The following CAMK1D variants were observed in gnomAD, a reference collection of about 807,000 sequenced individuals.
The protein encoded by CAMK1D is calcium/calmodulin dependent protein kinase ID.
In CAMK1D, 9 loss-of-function variants were observed where a neutral mutation model predicts 47.7. The ratio of observed to expected loss-of-function variants is 0.19; its 90% CI spans 0.11 to 0.33. CAMK1D has a LOEUF of 0.33. CAMK1D is among the 10% of genes least tolerant of loss of function. The pLI, the probability that CAMK1D is intolerant of heterozygous loss-of-function variation, is 1.00. For missense variants in CAMK1D, 291 were observed against 488.7 expected (o/e 0.60, Z 3.81); for synonymous variants, 184 against 184.9 (o/e 0.99, Z 0.04).
At chr10:12,785,516 G>A (rs545219596) in intron 5 of CAMK1D, among the ~76,000 whole-genome samples, 1 of 152,108 alleles carries the variant, frequency 6.6e-6, no homozygotes, top group Non-Finnish European at 1.5e-5. Context: ...AAGCTCTCGG[G>A]TATCTCCAGG....
intron 1 of CAMK1D, among the ~76,000 whole-genome samples, chr10:12,483,972 C>T (rs1011360098): frequency 6.6e-6 from 1 of 152,202 alleles, no homozygotes; most frequent in Non-Finnish European, 1.5e-5. Flanking sequence ...GCATGAGCCA[C>T]TGTGCTTGGC....
At chr10:12,813,182 G>A (rs1222980014) in intron 6 of CAMK1D, among the ~76,000 whole-genome samples, 3 of 152,152 alleles carry the variant, frequency 2.0e-5, no homozygotes, top group Non-Finnish European at 4.4e-5. Context: ...TGGAAAAATG[G>A]GTAGTATTAT....
chr10:12,473,181 G>A (rs1833800144), intron 1 of CAMK1D, among the ~76,000 whole-genome samples: 1 of 152,168 alleles, frequency 6.6e-6, no homozygotes, highest in Non-Finnish European at 1.5e-5. Context: ...TGGGGCACAG[G>A]CCAGCAGCGA....
At chr10:12,738,496 A>G (rs1476972116) in intron 3 of CAMK1D, among the ~76,000 whole-genome samples, 8 of 152,202 alleles carry the variant, frequency 5.3e-5, no homozygotes, top group Non-Finnish European at 4.4e-5. Context: ...GTTCATTTTT[A>G]TTTATAATAA....
chr10:12,736,523 C>T (rs1363350964), intron 3 of CAMK1D, among the ~76,000 whole-genome samples: 1 of 152,138 alleles, frequency 6.6e-6, no homozygotes, highest in Non-Finnish European at 1.5e-5. Flanking sequence ...AGTTTTCTGG[C>T]ACTTCTTAAA....
intron 1 of CAMK1D, among the ~76,000 whole-genome samples, chr10:12,469,008 G>A (rs1295296453): frequency 2.0e-5 from 3 of 152,150 alleles, no homozygotes; most frequent in Non-Finnish European, 2.9e-5. Flanking sequence ...GCCCGGGCAA[G>A]GTGGGGGATT....
chr10:12,435,320 C>T (rs549670521), intron 1 of CAMK1D, among the ~76,000 whole-genome samples: 2 of 152,062 alleles, frequency 1.3e-5, no homozygotes, highest in East Asian at 3.9e-4. Flanking sequence ...ATGGATCCGC[C>T]CTAGGTTTCC....
chr10:12,722,382 C>A (rs1834426332), intron 3 of CAMK1D, among the ~76,000 whole-genome samples: 1 of 121,858 alleles, frequency 8.2e-6, no homozygotes, highest in South Asian at 2.8e-4. Context: ...GGAGGCAGAG[C>A]TTGCAATGAG....
chr10:12,801,266 C>T (rs1316771383), intron 6 of CAMK1D, among the ~76,000 whole-genome samples: 4 of 147,668 alleles, frequency 2.7e-5, no homozygotes, highest in African/African-American at 7.5e-5. Flanking sequence ...TCCATCTGTC[C>T]GTCCATCCAT....
intron 3 of CAMK1D, among the ~76,000 whole-genome samples, chr10:12,724,371 G>C (rs974481034): frequency 3.9e-5 from 6 of 152,212 alleles, no homozygotes; most frequent in Admixed American, 2.6e-4. Flanking sequence ...GACTCTGGGG[G>C]CCAGGGTTTG....
intron 1 of CAMK1D, among the ~76,000 whole-genome samples, chr10:12,365,976 A>G (rs892102186): frequency 4.6e-5 from 7 of 152,226 alleles, no homozygotes; most frequent in Non-Finnish European, 7.3e-5. Context: ...GAATCCCTGG[A>G]ACCTGGGAGC....
At chr10:12,661,992 T>C (rs1046934691) in intron 2 of CAMK1D, among the ~76,000 whole-genome samples, 3 of 152,162 alleles carry the variant, frequency 2.0e-5, no homozygotes, top group African/African-American at 7.2e-5. Flanking sequence ...TGTCTCCTTA[T>C]GGATGGGATG....
intron 1 of CAMK1D, among the ~76,000 whole-genome samples, chr10:12,553,002 C>T (rs1836635852): frequency 6.6e-6 from 1 of 152,188 alleles, no homozygotes; most frequent in South Asian, 2.1e-4. Context: ...CTTGGCCTCC[C>T]AAAGTGTCGG....
At chr10:12,550,174 C>T (rs1443633526) in intron 1 of CAMK1D, among the ~76,000 whole-genome samples, 2 of 152,162 alleles carry the variant, frequency 1.3e-5, no homozygotes, top group Admixed American at 1.3e-4. Flanking sequence ...GGAAGATGGA[C>T]TTAGTAAATC....
chr10:12,828,382 C>A (rs191079803), intron 10 of CAMK1D, among the ~76,000 whole-genome samples: 1 of 152,196 alleles, frequency 6.6e-6, no homozygotes, highest in African/African-American at 2.4e-5. Context: ...GGCTCACACC[C>A]GTAATCCCAG....
chr10:12,797,235 G>A (rs1838236586), intron 6 of CAMK1D, among the ~76,000 whole-genome samples: 1 of 129,304 alleles, frequency 7.7e-6, no homozygotes, highest in Admixed American at 8.8e-5. Context: ...GTCTTGCTTT[G>A]TCACCCAGGC....
At chr10:12,475,843 A>T (rs931242807) in intron 1 of CAMK1D, among the ~76,000 whole-genome samples, 1 of 152,048 alleles carries the variant, frequency 6.6e-6, no homozygotes, top group East Asian at 1.9e-4. Context: ...CACAGTGAAC[A>T]TAGTTCATGC....
chr10:12,357,684 C>T (rs915898149), intron 1 of CAMK1D, among the ~76,000 whole-genome samples: 2 of 152,166 alleles, frequency 1.3e-5, no homozygotes, highest in East Asian at 3.9e-4. Context: ...CCCGAGTCAG[C>T]GGACCCACGT....
intron 1 of CAMK1D, among the ~76,000 whole-genome samples, chr10:12,389,783 A>G (rs548187150): frequency 6.6e-6 from 1 of 152,206 alleles, no homozygotes; most frequent in Admixed American, 6.5e-5. Context: ...TTTTTGGGGA[A>G]TAGGATTGAG....
Sources: allele counts gnomAD v4.1 joint callset (sites outside exome capture counted in the v4.1 genomes callset), GRCh38; gene constraint gnomAD v4.1.1; transcripts MANE v1.5; gene names NCBI Gene and HGNC (gene_info 2026-07-23, HGNC 2026-07-21).